Variants in TLE7 observed in about 807,000 individuals in gnomAD.
TLE7 encodes transducin-like enhancer protein 7.
chr16:71,440,714 G>A (rs1056761739), intron 1 of TLE7, among the ~76,000 whole-genome samples: 3 of 152,212 alleles, frequency 2.0e-5, no homozygotes, highest in African/African-American at 4.8e-5. Flanking sequence ...ATGGGTAGCT[G>A]TCGTCAAATG....
chr16:71,439,991 G>A (rs1167123118), intron 1 of TLE7, among the ~76,000 whole-genome samples: 1 of 152,210 alleles, frequency 6.6e-6, no homozygotes, highest in African/African-American at 2.4e-5. Flanking sequence ...AAAATGTGGT[G>A]TAAATATACA....
intron 1 of TLE7, among the ~76,000 whole-genome samples, chr16:71,439,857 G>A (rs1417102425): frequency 6.6e-6 from 1 of 152,166 alleles, no homozygotes; most frequent in East Asian, 1.9e-4. Flanking sequence ...CCACTCTTAA[G>A]TATATGCCCC....
chr16:71,435,921 C>T (rs2042824536), intron 1 of TLE7, among the ~76,000 whole-genome samples: 1 of 152,214 alleles, frequency 6.6e-6, no homozygotes, highest in Non-Finnish European at 1.5e-5. Flanking sequence ...AGTTTAAAAG[C>T]AGTGAAACTA....
rs2042808536 is a variant in TLE7 at position 71,432,331 on chromosome 16, C to A, written c.394-6G>T. 6 of 400,532 alleles carry A rather than the reference C, an allele frequency of 1.5e-5. No homozygotes were observed. In the East Asian group the frequency reaches 1.8e-4, roughly 12 times the overall value. The allele number at this position is 400,532 out of a possible 1,614,324, so 24.8% of individuals were successfully genotyped here. A position where few individuals can be genotyped will look rare whatever the true frequency, so the allele number is the denominator to read the frequency against. On this transcript the variant is annotated splice_polypyrimidine_tract_variant and splice_region_variant and intron_variant, in intron 4 of 9. Transcript: ENST00000561754. ...ACTTCATCTGGAATGGGGGGCTAGG[C>A]AAGGAGAGGGTGGGTAGCAGTGGCC...
chr16:71,437,561 CT>C (rs2042831465), intron 1 of TLE7, among the ~76,000 whole-genome samples: 1 of 128,510 alleles, frequency 7.8e-6, no homozygotes, highest in South Asian at 2.4e-4. Flanking sequence ...GTTGGTGATG[CT>C]GTTGCTGCTG....
In TLE7 at chr16:71,433,558, G is replaced by T. The variant is rs1291158422; in HGVS notation, c.-96-138C>A. ...CTAGCTTTTCACATTAGGTGTTGGC[G>T]GCAATGATGTCAAGGGTGAAAGCGT... On this transcript the variant is annotated intron_variant, in intron 1 of 9. Coordinates refer to ENST00000561754, the MANE Select transcript of TLE7 (RefSeq NM_001367365.2). 7 of 382,964 alleles carry T rather than the reference G, an allele frequency of 1.8e-5. No homozygotes were observed. The East Asian group carries it at 2.6e-4, about 14-fold the overall frequency. 23.7% of individuals were successfully genotyped at this position (382,964 alleles called of 1,614,324 possible). A position where few individuals can be genotyped will look rare whatever the true frequency, so the allele number is the denominator to read the frequency against.
intron 1 of TLE7, among the ~76,000 whole-genome samples, chr16:71,439,376 T>G (rs1262522340): frequency 6.6e-6 from 1 of 152,004 alleles, no homozygotes; most frequent in East Asian, 1.9e-4. Context: ...AGGAATGGAT[T>G]TTAGCAATTG....
intron 2 of TLE7, 21 bp from the exon 3 acceptor site, chr16:71,432,913 GA>G (rs2042812891): frequency 7.5e-6 from 3 of 399,042 alleles, no homozygotes; most frequent in South Asian, 1.3e-4. Flanking sequence ...TGGAGAGAGG[GA>G]GGGAGGAGAC....
chr16:71,433,512 A>G (rs1337165336), intron 1 of TLE7, 92 bp from the exon 2 acceptor site: 1 of 395,396 alleles, frequency 2.5e-6, no homozygotes, highest in Admixed American at 4.4e-5. Flanking sequence ...TGGTGAAAAG[A>G]TTCAAAAGAG....
chr16:71,440,391 T>C (rs2042842458), intron 1 of TLE7, among the ~76,000 whole-genome samples: 1 of 151,928 alleles, frequency 6.6e-6, no homozygotes, highest in African/African-American at 2.4e-5. Context: ...GGCAGGAGAA[T>C]CACTTGAACC....
chr16:71,430,662 C>A lies in TLE7; in HGVS notation c.1221+6G>T. On this transcript the variant is annotated splice_donor_region_variant and intron_variant, in intron 9 of 9. Coordinates refer to ENST00000561754, the MANE Select transcript of TLE7 (RefSeq NM_001367365.2). ...CTGGGTTCGGGCATCCCTCTGTGTC[C>A]AGTACCTGAAACAACTTTTGCAGAG... is the stretch of plus-strand genomic sequence containing the variant. The A allele has an allele frequency of 2.5e-6, 1 of 398,584 alleles. No homozygotes were observed. The highest frequency in any genetic ancestry group is 1.3e-4 in the South Asian group (1 of 7,822). The allele number at this position is 398,584 out of a possible 1,614,324, so 24.7% of individuals were successfully genotyped here.
rs1555529925 is a variant in TLE7 at position 71,438,440 on chromosome 16, A to AAAG, written c.-97+3528_-97+3529insCTT. On this transcript the variant is annotated intron_variant, in intron 1 of 9. Transcript: ENST00000561754. ...ACTCCATCTCAAAAAAAAAAAAAAA[A>AAAG]AGAGAGAGAGAAAGAAAGAAAAGAG... 1.9e-3 allele frequency among the ~76,000 whole-genome samples: 253 copies of AAAG among 131,264 alleles called. 1 individual carries two copies. Among genetic ancestry groups the AAAG allele is most frequent in the African/African-American group, 5.2e-3 (166 of 31,806 alleles). The allele number at this position is 131,264 out of a possible 152,430, so 86.1% of individuals were successfully genotyped here.
intron 1 of TLE7, among the ~76,000 whole-genome samples, chr16:71,436,457 A>G (rs988706927): frequency 3.3e-5 from 5 of 152,198 alleles, no homozygotes; most frequent in African/African-American, 9.7e-5. Context: ...AGGTTAACCT[A>G]TGAGCCCTTG....
rs1440352985 is a variant in TLE7 at position 71,432,159 on chromosome 16, C to G, written c.560G>C (p.Ser187Thr). 2.5e-6 allele frequency: 1 copy of G among 400,972 alleles called. No individual in the cohort carries two copies. The highest frequency in any genetic ancestry group is 3.6e-5 in the East Asian group (1 of 28,082). 24.8% of individuals were successfully genotyped at this position (400,972 alleles called of 1,614,324 possible). A position where few individuals can be genotyped will look rare whatever the true frequency, so the allele number is the denominator to read the frequency against. The change falls in exon 5 of 10, where the codon AGT (serine) becomes ACT (threonine). Residue 187 changes from serine (S) to threonine (T), a missense_variant. By Grantham distance (58) the Ser-to-Thr change is moderately conservative (BLOSUM62 1). Coordinates refer to ENST00000561754, the MANE Select transcript of TLE7 (RefSeq NM_001367365.2). ...GSGYIRVWDE[S>T]ALHAGEKAPR... is the part of the protein sequence containing the mutation. Reference sequence around the variant, plus strand: ...GGCCTTCTCCCCCGCATGCAGCGCACTCTCATCCCATACCCTGATGTAGCC... The same window carrying G: ...GGCCTTCTCCCCCGCATGCAGCGCAGTCTCATCCCATACCCTGATGTAGCC...
At chr16:71,430,963 C>T (rs927877842) in intron 8 of TLE7, among the ~76,000 whole-genome samples, 158 bp downstream of exon 8, 1 of 152,142 alleles carries the variant, frequency 6.6e-6, no homozygotes, top group Non-Finnish European at 1.5e-5. Flanking sequence ...ATAGGGTTCA[C>T]GCCTCTTCAG....
rs2042795432 is a variant in TLE7, at chr16:71,430,060, G to C, written c.*202C>G. On this transcript the variant is annotated 3_prime_UTR_variant, in exon 10 of 10. Transcript: ENST00000561754. ...AAAACCCAGAAATCAGTGGTAGGAAGATAACAAAGGAAAAAGCTCCAAGCC... is the reference window on the plus strand; with the variant it reads ...AAAACCCAGAAATCAGTGGTAGGAACATAACAAAGGAAAAAGCTCCAAGCC... Among the ~76,000 whole-genome samples the C allele has an allele frequency of 6.6e-6, 1 of 152,186 alleles. No homozygotes were observed. Among genetic ancestry groups the C allele is most frequent in the African/African-American group, 2.4e-5 (1 of 41,446 alleles).
intron 1 of TLE7, among the ~76,000 whole-genome samples, chr16:71,437,630 T>A (rs1054028992): frequency 1.2e-4 from 18 of 151,782 alleles, no homozygotes; most frequent in African/African-American, 4.1e-4. Context: ...GGTCTGAGGA[T>A]CCCTTTCTGG....
intron 8 of TLE7, 131 bp from the exon 9 acceptor site, chr16:71,430,872 C>T (rs1217647158): frequency 2.5e-6 from 1 of 397,358 alleles, no homozygotes; most frequent in Non-Finnish European, 4.4e-6. Context: ...GACACACAAC[C>T]CAAGCCATTC....
At chr16:71,441,711 A>G (rs1048872245) in intron 1 of TLE7, among the ~76,000 whole-genome samples, 1 of 152,240 alleles carries the variant, frequency 6.6e-6, no homozygotes, top group Admixed American at 6.5e-5. Context: ...TTCCGGACGC[A>G]GGGCCCCGCT....
Sources: gnomAD v4.1 joint callset for allele counts (sites outside exome capture counted in the v4.1 genomes callset) on GRCh38, gnomAD v4.1.1 for gene constraint, MANE v1.5 for transcripts, NCBI Gene and HGNC (gene_info 2026-07-23, HGNC 2026-07-21) for gene names.